Variants in CTNNA3 observed in about 807,000 individuals in gnomAD.
CTNNA3 encodes catenin alpha-3.
A neutral mutation model predicts 95.7 loss-of-function variants in CTNNA3; 76 were observed. The ratio of observed to expected loss-of-function variants is 0.79; its 90% CI spans 0.66 to 0.96. CTNNA3 has a LOEUF of 0.96. Among genes scored for constraint, CTNNA3 ranks in the 40% least tolerant of loss-of-function variants. The pLI is 0.00. For synonymous variants in CTNNA3, 431 were observed against 374.4 expected (o/e 1.15, Z -1.74); for missense variants, 1,191 against 1,089.8 (o/e 1.09, Z -1.31).
chr10:66,809,916 T>C (rs2132259561), intron 7 of CTNNA3, among the ~76,000 whole-genome samples: 1 of 151,950 alleles, frequency 6.6e-6, no homozygotes, highest in Middle Eastern at 3.4e-3. Flanking sequence ...GAGATTCTCC[T>C]GACTCAGCCT....
At chr10:67,184,053 A>G (rs1018364302) in intron 6 of CTNNA3, among the ~76,000 whole-genome samples, 5 of 152,202 alleles carry the variant, frequency 3.3e-5, no homozygotes, top group African/African-American at 1.2e-4. Context: ...CCCTTGTTTA[A>G]TAAGAGGAAT....
intron 12 of CTNNA3, among the ~76,000 whole-genome samples, chr10:66,316,105 T>C (rs974053582): frequency 1.3e-5 from 2 of 152,084 alleles, no homozygotes; most frequent in Admixed American, 1.3e-4. Context: ...AGACTTTCAA[T>C]ATTGAGTATT....
chr10:67,576,901 T>G (rs1222163879), intron 3 of CTNNA3, among the ~76,000 whole-genome samples: 2 of 89,350 alleles, frequency 2.2e-5, no homozygotes, highest in Non-Finnish European at 3.7e-5. Context: ...TCTTATGGTG[T>G]CATAGTATTC....
chr10:66,870,538 A>T (rs1844354939), intron 7 of CTNNA3, among the ~76,000 whole-genome samples: 1 of 152,186 alleles, frequency 6.6e-6, no homozygotes, highest in Non-Finnish European at 1.5e-5. Flanking sequence ...CAAATTCAGT[A>T]TCACCCCAAA....
chr10:66,866,931 G>A (rs1328599136), intron 7 of CTNNA3, among the ~76,000 whole-genome samples: 3 of 152,084 alleles, frequency 2.0e-5, no homozygotes, highest in South Asian at 2.1e-4. Flanking sequence ...GAATCATAGA[G>A]GTGGTTTCCT....
intron 1 of CTNNA3, among the ~76,000 whole-genome samples, chr10:67,725,895 A>C (rs138884472): frequency 0.043 from 5,996 of 140,750 alleles, 174 homozygotes; most frequent in South Asian, 0.1. Context: ...CATATATATA[A>C]TATATATAAT....
chr10:67,762,172 A>T (rs1038532742), intron 1 of CTNNA3, among the ~76,000 whole-genome samples: 1 of 121,692 alleles, frequency 8.2e-6, no homozygotes, highest in African/African-American at 3.0e-5. Flanking sequence ...TTCTAGCACT[A>T]TGATAAATCA....
At chr10:67,017,553 A>T (rs1336474825) in intron 7 of CTNNA3, among the ~76,000 whole-genome samples, 2 of 152,198 alleles carry the variant, frequency 1.3e-5, no homozygotes, top group Non-Finnish European at 2.9e-5. Flanking sequence ...GCCTTTAAGA[A>T]ATATACTGTG....
intron 9 of CTNNA3, among the ~76,000 whole-genome samples, chr10:66,760,843 GCT>G (rs1184617207): frequency 3.3e-5 from 5 of 152,002 alleles, no homozygotes; most frequent in Non-Finnish European, 1.5e-5. Context: ...ACACCGGTGT[GCT>G]CTGTTCTACA....
intron 12 of CTNNA3, among the ~76,000 whole-genome samples, chr10:66,289,071 A>C (rs1367935756): frequency 5.9e-5 from 9 of 152,022 alleles, no homozygotes; most frequent in Non-Finnish European, 1.3e-4. Flanking sequence ...ACAGCTGATG[A>C]AATTGTACTA....
intron 7 of CTNNA3, among the ~76,000 whole-genome samples, chr10:67,115,484 A>G (rs912746532): frequency 1.1e-4 from 17 of 151,686 alleles, no homozygotes; most frequent in Admixed American, 1.1e-3. Context: ...AACTTAAAGT[A>G]TAATAATAAT....
At chr10:66,293,541 T>C (rs903656384) in intron 12 of CTNNA3, among the ~76,000 whole-genome samples, 3 of 152,244 alleles carry the variant, frequency 2.0e-5, no homozygotes, top group African/African-American at 7.2e-5. Context: ...AAAATTCCAG[T>C]AGTATTCTAA....
chr10:66,718,665 A>G (rs551306205), intron 9 of CTNNA3, among the ~76,000 whole-genome samples: 161 of 150,080 alleles, frequency 1.1e-3, no homozygotes, highest in African/African-American at 3.9e-3. Context: ...ATAATATAAT[A>G]AAATAAACTT....
chr10:66,220,721 G>T (rs1360734432), intron 13 of CTNNA3, among the ~76,000 whole-genome samples: 1 of 152,122 alleles, frequency 6.6e-6, no homozygotes, highest in African/African-American at 2.4e-5. Flanking sequence ...TGGGAAGGTG[G>T]TCTTCCCCTG....
At chr10:65,991,610 T>G (rs575815419) in intron 15 of CTNNA3, among the ~76,000 whole-genome samples, 22 of 152,098 alleles carry the variant, frequency 1.4e-4, no homozygotes, top group Non-Finnish European at 2.5e-4. Flanking sequence ...TTTAGTACTC[T>G]GCAACTTTCC....
At chr10:66,383,185 C>T (rs2092856412) in intron 11 of CTNNA3, among the ~76,000 whole-genome samples, 2 of 152,022 alleles carry the variant, frequency 1.3e-5, no homozygotes, top group Non-Finnish European at 2.9e-5. Flanking sequence ...TGCAAGGAAG[C>T]TAAAAACCTT....
chr10:67,346,114 A>G (rs1463669150), intron 5 of CTNNA3, among the ~76,000 whole-genome samples: 2 of 152,166 alleles, frequency 1.3e-5, no homozygotes, highest in Non-Finnish European at 2.9e-5. Context: ...CAAAAAGAAA[A>G]CTAATAAAAA....
intron 12 of CTNNA3, among the ~76,000 whole-genome samples, chr10:66,328,202 G>A (rs768078847): frequency 1.3e-5 from 2 of 152,018 alleles, no homozygotes; most frequent in Non-Finnish European, 2.9e-5. Flanking sequence ...ACAGCTTTTA[G>A]CATATTGTAT....
intron 7 of CTNNA3, among the ~76,000 whole-genome samples, chr10:67,017,153 G>A (rs979840150): frequency 2.6e-4 from 39 of 152,166 alleles, no homozygotes; most frequent in African/African-American, 9.2e-4. Flanking sequence ...TTCATAGTAT[G>A]AAAATATGGG....
Sources: allele counts gnomAD v4.1 joint callset (sites outside exome capture counted in the v4.1 genomes callset), GRCh38; gene constraint gnomAD v4.1.1; transcripts MANE v1.5; gene names NCBI Gene and HGNC (gene_info 2026-07-23, HGNC 2026-07-21).